The following CCT4 variants were observed in gnomAD, a reference collection of about 807,000 sequenced individuals.
CCT4 encodes T-complex protein 1 subunit delta.
CCT4 carries 17 observed loss-of-function variants against 62.5 expected under a neutral mutation model. The ratio of observed to expected loss-of-function variants is 0.27; its 90% CI spans 0.19 to 0.41. The LOEUF is 0.41. CCT4 is among the 10% of genes least tolerant of loss of function. The pLI is 1.00. For synonymous variants in CCT4, 250 were observed against 229.9 expected, an observed-to-expected ratio of 1.09 and a Z score of -0.79; for missense variants, 592 against 659.2, an observed-to-expected ratio of 0.90 and a Z score of 1.12.
At chr2:61,869,685 C>T in intron 12 of CCT4, 132 bp from the exon 13 acceptor site, 1 of 620,460 alleles carries the variant, frequency 1.6e-6, no homozygotes, top group Non-Finnish European at 3.0e-6. Context: ...ATATGATACT[C>T]TACTAAGCTT....
At chr2:61,876,526 T>G (rs147052311) in intron 7 of CCT4, among the ~76,000 whole-genome samples, 116 of 152,334 alleles carry the variant, frequency 7.6e-4, no homozygotes, top group African/African-American at 2.7e-3. Flanking sequence ...CCCTCTCTAA[T>G]CTGTGTGAAT....
At position 61,870,494 on chromosome 2, in the gene CCT4, C is replaced by T. The variant is rs569771347; in HGVS notation, c.1492-941G>A. Among the ~76,000 whole-genome samples the T allele has an allele frequency of 1.6e-4, 25 of 151,934 alleles. 1 individual carries two copies. In the East Asian group the frequency reaches 4.3e-3, roughly 26 times the overall value. On this transcript the variant is annotated intron_variant, in intron 12 of 13. Transcript: ENST00000394440. ...CTTCCCTTCTTAAAATATTCCTGTC[C>T]TTAGCCTCTTGCTTAAAAAAATCTC...
In CCT4 at chr2:61,872,068, G is replaced by A; in HGVS notation, c.1491+14C>T. 6.6e-7 allele frequency: 1 copy of A among 1,518,944 alleles called. No homozygotes were observed. The highest frequency in any genetic ancestry group is 9.1e-7 in the Non-Finnish European group (1 of 1,095,638). 94.1% of individuals were successfully genotyped at this position (1,518,944 alleles called of 1,614,324 possible). On this transcript the variant is annotated intron_variant, in intron 12 of 13. Transcript: ENST00000394440. ...ATTAATCAATATTTTCTACATTAGAGATTAAATGATTACCTTTCGGACATT... is the reference window on the plus strand; with the variant it reads ...ATTAATCAATATTTTCTACATTAGAAATTAAATGATTACCTTTCGGACATT...
At position 61,883,495 on chromosome 2, in the gene CCT4, C is replaced by T. The variant is rs1394390654; in HGVS notation, c.234G>A (p.Leu78=). The part of the protein sequence containing the change: ...VTITNDGATI[L]KQMQVLHPAA... The stretch of plus-strand genomic sequence containing the variant: ...CTGGATGTAATACTTGCATTTGTTT[C>T]AGAATGGTAGCACCATCATTTGTAA... The change falls in exon 3 of 14, where the codon CTG becomes CTA. Residue 78 remains leucine (L), a synonymous_variant. Transcript: ENST00000394440. 1.3e-6 allele frequency: 2 copies of T among 1,597,076 alleles called. No individual in the cohort carries two copies. Among genetic ancestry groups the T allele is most frequent in the Admixed American group, 1.7e-5 (1 of 58,972 alleles).
Position 61,872,192 on chromosome 2 carries a change from T to C in CCT4, c.1381A>G (p.Ile461Val). Residue 461 changes from isoleucine to valine, a missense_variant, in exon 12 of 14, where the codon ATT becomes GTT. Transcript: ENST00000394440. ...VRAFADAMEVIPSTLAENAGL... is the reference protein window; with the variant it reads ...VRAFADAMEVVPSTLAENAGL... The stretch of plus-strand genomic sequence containing the variant: ...GCATTTTCAGCTAGTGTAGATGGAA[T>C]GACCTCCATAGCATCTGCAAAAGCA... 6.2e-7 allele frequency: 1 copy of C among 1,613,814 alleles called. No homozygotes were observed. Among genetic ancestry groups the C allele is most frequent in the Admixed American group, 1.7e-5 (1 of 60,010 alleles).
At chr2:61,871,307 G>A (rs1396503579) in intron 12 of CCT4, among the ~76,000 whole-genome samples, 1 of 151,992 alleles carries the variant, frequency 6.6e-6, no homozygotes, top group African/African-American at 2.4e-5. Context: ...CAAACAGCTG[G>A]GATTACAGGC....
chr2:61,877,311 T>C (rs2105132316), intron 6 of CCT4, 82 bp downstream of exon 6: 3 of 1,336,582 alleles, frequency 2.2e-6, no homozygotes, highest in Non-Finnish European at 2.1e-6. Flanking sequence ...TTTGTGACTT[T>C]CATCTAGGTG....
chr2:61,887,412 T>G (rs1669281433), intron 1 of CCT4, among the ~76,000 whole-genome samples: 1 of 152,162 alleles, frequency 6.6e-6, no homozygotes, highest in South Asian at 2.1e-4. Context: ...ATCCCATAGC[T>G]GGGGGAGATT....
At chr2:61,875,513 G>A (rs1274135054) in intron 8 of CCT4, among the ~76,000 whole-genome samples, 2 of 151,464 alleles carry the variant, frequency 1.3e-5, no homozygotes, top group Non-Finnish European at 2.9e-5. Context: ...AACCCAGGAG[G>A]CGGAGGTTGC....
chr2:61,875,851 T>A (rs1359670248), intron 8 of CCT4, among the ~76,000 whole-genome samples: 6 of 152,204 alleles, frequency 3.9e-5, no homozygotes, highest in Admixed American at 1.3e-4. Context: ...TTCCTAGACA[T>A]CTTAACTGAA....
In CCT4 at chr2:61,872,125, C is replaced by T. The variant is rs146765948; in HGVS notation, c.1448G>A (p.Arg483Gln). 1,359 of 1,613,854 alleles carry T rather than the reference C, an allele frequency of 8.4e-4. 2 individuals are homozygous for T. The Middle Eastern group carries it at 0.016, about 19-fold the overall frequency. ...PISTVTELRN[R>Q]HAQGEKTAGI... ...TGCAGTTTTTTCTCCCTGGGCATGC[C>T]GGTTTCTTAGTTCTGTTACTGTAGA... Residue 483 changes from arginine to glutamine, a missense_variant, in exon 12 of 14, where the codon CGG becomes CAG. Physicochemically the swap from Arg to Gln is conservative, Grantham distance 43. Around this residue, in one of 3 missense-constraint regions of CCT4, gnomAD observed 522 missense variants for 571.2 expected, o/e 0.91. Transcript: ENST00000394440.
At chr2:61,886,597 C>T (rs1222975558) in intron 1 of CCT4, among the ~76,000 whole-genome samples, 13 of 152,108 alleles carry the variant, frequency 8.5e-5, no homozygotes, top group Non-Finnish European at 1.6e-4. Flanking sequence ...TAAGACATAA[C>T]GGGTCATCTT....
intron 10 of CCT4, 56 bp from the exon 11 acceptor site, chr2:61,872,644 C>CA: frequency 6.3e-7 from 1 of 1,595,218 alleles, no homozygotes; most frequent in Non-Finnish European, 8.6e-7. Context: ...ACCCCACACC[C>CA]AGGCCGGGCA....
rs1668820560 is a variant in CCT4 at position 61,868,463 on chromosome 2, A to G, written c.*229T>C. On this transcript the variant is annotated 3_prime_UTR_variant, in exon 14 of 14. Transcript: ENST00000394440. The stretch of plus-strand genomic sequence containing the variant: ...TTTATTAGTTTTTATTAGTTTTTCA[A>G]AAGTATCAGAAATAACAGAATGTTG... The G allele has an allele frequency of 2.1e-6, 1 of 482,022 alleles. No homozygotes were observed. Among genetic ancestry groups the G allele is most frequent in the Admixed American group, 3.5e-5 (1 of 28,970 alleles). The allele number at this position is 482,022 out of a possible 1,614,324, so 29.9% of individuals were successfully genotyped here.
At chr2:61,878,760 T>C in intron 5 of CCT4, 109 bp downstream of exon 5, 1 of 681,920 alleles carries the variant, frequency 1.5e-6, no homozygotes. Flanking sequence ...ATTATAACAG[T>C]TACCTAGCCA....
rs780246263 is a variant in CCT4 at position 61,888,434 on chromosome 2, T to C, written c.74A>G (p.Gln25Arg). ...AAGGRGKGAY[Q>R]DRDKPAQIRF... ...GATCTGGGCTGGCTTGTCGCGGTCC[T>C]GATAGGCGCCTTTCCCGCGGCCGCC... is the stretch of plus-strand genomic sequence containing the variant. Residue 25 changes from glutamine to arginine, a missense_variant, in exon 1 of 14, where the codon CAG becomes CGG. Transcript: ENST00000394440. 1.2e-6 allele frequency: 2 copies of C among 1,612,290 alleles called. No homozygotes were observed. The highest frequency in any genetic ancestry group is 1.7e-5 in the Admixed American group (1 of 59,846).
intron 6 of CCT4, 99 bp downstream of exon 6, chr2:61,877,294 A>G (rs1669021302): frequency 1.6e-5 from 20 of 1,238,636 alleles, no homozygotes; most frequent in Non-Finnish European, 2.2e-5. Flanking sequence ...AAAAGAGAAA[A>G]GAGAGCTTTG....
In CCT4 at chr2:61,888,407, C is replaced by T. The variant is rs1299671692; in HGVS notation, c.101G>A (p.Arg34His). 1 of 1,612,960 alleles carries T rather than the reference C, an allele frequency of 6.2e-7. No homozygotes were observed. The highest frequency in any genetic ancestry group is 8.5e-7 in the Non-Finnish European group (1 of 1,179,638). Residue 34 changes from arginine to histidine, a missense_variant, in exon 1 of 14, where the codon CGC (arginine) becomes CAC (histidine). Arg to His is a conservative substitution (Grantham distance 29). This residue lies in a region of CCT4 where 67 missense variants were observed against 71.1 expected (regional missense o/e 0.94). Coordinates refer to ENST00000394440, the MANE Select transcript of CCT4 (RefSeq NM_006430.4). ...YQDRDKPAQI[R>H]FSNISAAKAV... The stretch of plus-strand genomic sequence containing the variant: ...TTTGGCGGCGGAAATGTTGCTGAAG[C>T]GGATCTGGGCTGGCTTGTCGCGGTC...
intron 2 of CCT4, among the ~76,000 whole-genome samples, chr2:61,883,791 C>CGT (rs1558508307): frequency 1.6e-4 from 24 of 146,966 alleles, no homozygotes; most frequent in Non-Finnish European, 2.2e-4. Context: ...CACACACACA[C>CGT]ACACACACAC....
Sources: allele counts gnomAD v4.1 joint callset (sites outside exome capture counted in the v4.1 genomes callset), GRCh38; gene constraint gnomAD v4.1.1; regional missense constraint gnomAD v4.1.1; transcripts MANE v1.5; gene names NCBI Gene and HGNC (gene_info 2026-07-23, HGNC 2026-07-21).